Variants in CSMD3 observed in about 807,000 individuals in gnomAD.
CSMD3 encodes the protein CUB and Sushi multiple domains 3.
CSMD3 carries 177 observed loss-of-function variants against 435.2 expected under a neutral mutation model. That is an observed-to-expected ratio of 0.41 (90% CI 0.36 to 0.46). The LOEUF (loss-of-function observed/expected upper bound fraction) is 0.46. Among genes scored for constraint, CSMD3 ranks in the 20% least tolerant of loss-of-function variants. The pLI is 0.34. For synonymous variants in CSMD3, 1,656 were observed against 1,520.5 expected (o/e 1.09, Z -2.07); for missense variants, 4,265 against 4,504.6 (o/e 0.95, Z 1.52).
chr8:112,621,618 CCCTT>C (rs1834077545), intron 22 of CSMD3, among the ~76,000 whole-genome samples: 1 of 152,116 alleles, frequency 6.6e-6, no homozygotes, highest in Non-Finnish European at 1.5e-5. Context: ...AAGGGATTAT[CCCTT>C]ACTCCTTGAA....
chr8:112,859,085 C>A (rs2080749885), intron 11 of CSMD3, 60 bp downstream of exon 11: 2 of 1,511,692 alleles, frequency 1.3e-6, no homozygotes, highest in South Asian at 1.1e-5. Context: ...CGTATTATTT[C>A]TTTGCCTTTG....
chr8:112,343,086 G>T (rs1291194147), intron 41 of CSMD3, among the ~76,000 whole-genome samples: 2 of 143,530 alleles, frequency 1.4e-5, no homozygotes, highest in South Asian at 4.5e-4. Context: ...AAAGAAAAGA[G>T]TATGGTTATT....
intron 19 of CSMD3, among the ~76,000 whole-genome samples, chr8:112,648,896 T>C (rs958382860): frequency 1.3e-5 from 2 of 152,122 alleles, no homozygotes; most frequent in African/African-American, 4.8e-5. Context: ...ACAAAGTCAA[T>C]CATAATGGGC....
At chr8:113,424,608 C>T (rs2094625531) in intron 1 of CSMD3, among the ~76,000 whole-genome samples, 1 of 150,870 alleles carries the variant, frequency 6.6e-6, no homozygotes, top group Non-Finnish European at 1.5e-5. Context: ...AGTGTAAGAG[C>T]ACAGTTTGGT....
rs184486489 is a variant in CSMD3 at position 113,183,444 on chromosome 8, C to T, written c.515-9528G>A. Among the ~76,000 whole-genome samples the T allele has an allele frequency of 5.5e-4, 84 of 152,140 alleles. 1 individual carries two copies. The East Asian group carries it at 8.5e-3, about 15-fold the overall frequency. ...CCCAACTTGTTCAAACCATGGCTTA[C>T]ACTGCCTTTTCATTGGAGCTACCTT... On this transcript the variant is annotated intron_variant, in intron 3 of 70. Coordinates refer to ENST00000297405, the MANE Select transcript of CSMD3 (RefSeq NM_198123.2).
intron 2 of CSMD3, among the ~76,000 whole-genome samples, chr8:113,282,321 A>C (rs2132479076): frequency 1.3e-5 from 2 of 152,126 alleles, no homozygotes; most frequent in Middle Eastern, 6.8e-3. Flanking sequence ...GTTTACCTTG[A>C]AAACCCTAAG....
chr8:112,396,589 T>C (rs1175903878), intron 35 of CSMD3, among the ~76,000 whole-genome samples: 2 of 152,098 alleles, frequency 1.3e-5, no homozygotes, highest in Admixed American at 6.6e-5. Flanking sequence ...ACTTGGGAAG[T>C]TGGTAAGGGT....
intron 32 of CSMD3, among the ~76,000 whole-genome samples, chr8:112,423,646 T>TCGA (rs1425974206): frequency 9.2e-5 from 14 of 152,224 alleles, no homozygotes; most frequent in African/African-American, 3.4e-4. Flanking sequence ...AGTTTCACCA[T>TCGA]GTTGCCCAGG....
intron 27 of CSMD3, among the ~76,000 whole-genome samples, chr8:112,541,306 A>AT (rs1218966885): frequency 6.6e-6 from 1 of 151,898 alleles, no homozygotes; most frequent in Non-Finnish European, 1.5e-5. Context: ...TAGAAAATAG[A>AT]AAAACAATTA....
intron 28 of CSMD3, among the ~76,000 whole-genome samples, chr8:112,509,152 C>T (rs1586556290): frequency 6.6e-6 from 1 of 150,632 alleles, no homozygotes; most frequent in Admixed American, 6.6e-5. Context: ...TGCAGTGGCA[C>T]GACCACAGCT....
chr8:112,911,580 A>C, intron 10 of CSMD3, among the ~76,000 whole-genome samples: 1 of 151,328 alleles, frequency 6.6e-6, no homozygotes, highest in East Asian at 1.9e-4. Context: ...CACATATAAT[A>C]ACATTTCCTT....
chr8:113,128,370 T>C (rs6469449), intron 4 of CSMD3, among the ~76,000 whole-genome samples: 4 of 151,444 alleles, frequency 2.6e-5, no homozygotes, highest in African/African-American at 9.7e-5. Context: ...ATCCATAAAA[T>C]TTTTTTTTAT....
intron 13 of CSMD3, among the ~76,000 whole-genome samples, chr8:112,737,449 T>A (rs1441613809): frequency 6.6e-6 from 1 of 151,892 alleles, no homozygotes; most frequent in African/African-American, 2.4e-5. Flanking sequence ...TTAAAGTGAT[T>A]AGTACCTAAA....
intron 13 of CSMD3, among the ~76,000 whole-genome samples, chr8:112,743,310 A>T (rs1388763069): frequency 6.6e-6 from 1 of 151,634 alleles, no homozygotes; most frequent in Admixed American, 6.6e-5. Flanking sequence ...AAAAAAAAAT[A>T]AATAAATAAA....
intron 45 of CSMD3, among the ~76,000 whole-genome samples, chr8:112,323,820 A>C (rs537720595): frequency 1.3e-5 from 2 of 152,164 alleles, no homozygotes; most frequent in East Asian, 3.9e-4. Flanking sequence ...CACTTTGTAC[A>C]AAGGACTCTG....
Position 113,318,786 on chromosome 8 carries a change from ATG to A in CSMD3, c.179-3995_179-3994del, listed in dbSNP as rs56269027. On this transcript the variant is annotated intron_variant, in intron 1 of 70. Coordinates refer to ENST00000297405, the MANE Select transcript of CSMD3 (RefSeq NM_198123.2). The stretch of plus-strand genomic sequence containing the variant: ...ATTTCCTCTTTTAAGGCTGAATAAG[ATG>A]TGTGTGTGTGTGTGTGTGTGTGTGT... 6.2e-3 allele frequency among the ~76,000 whole-genome samples: 867 copies of A among 140,124 alleles called. 6 individuals are homozygous for A. The highest frequency in any genetic ancestry group is 0.017 in the African/African-American group (629 of 37,434). The allele number at this position is 140,124 out of a possible 152,430, so 91.9% of individuals were successfully genotyped here.
chr8:112,632,566 C>T (rs1237658647), intron 22 of CSMD3, among the ~76,000 whole-genome samples: 1 of 151,966 alleles, frequency 6.6e-6, no homozygotes, highest in Admixed American at 6.6e-5. Context: ...ATCTACTTTC[C>T]AAAACAACAT....
intron 5 of CSMD3, among the ~76,000 whole-genome samples, chr8:113,023,799 C>T (rs1170922591): frequency 6.6e-6 from 1 of 152,076 alleles, no homozygotes; most frequent in Non-Finnish European, 1.5e-5. Context: ...TTAACAGACA[C>T]ATAACAATTG....
intron 3 of CSMD3, among the ~76,000 whole-genome samples, chr8:113,189,536 A>G (rs2092555151): frequency 6.6e-6 from 1 of 151,812 alleles, no homozygotes; most frequent in South Asian, 2.1e-4. Flanking sequence ...TAAGTATGAA[A>G]ACACTCTTAA....
Sources: gnomAD v4.1 joint callset for allele counts (sites outside exome capture counted in the v4.1 genomes callset) on GRCh38, gnomAD v4.1.1 for gene constraint, MANE v1.5 for transcripts, NCBI Gene and HGNC (gene_info 2026-07-23, HGNC 2026-07-21) for gene names.